KIRREL3: variants seen among roughly 807,000 people sequenced by gnomAD.
The protein encoded by KIRREL3 is kirre like nephrin family adhesion molecule 3, also known as kin of IRRE-like protein 3.
A neutral mutation model predicts 89.7 loss-of-function variants in KIRREL3; 36 were observed. That is an observed-to-expected ratio of 0.40 (90% confidence interval 0.31 to 0.53). The LOEUF (loss-of-function observed/expected upper bound fraction) is 0.53. Among genes scored for constraint, KIRREL3 ranks in the 20% least tolerant of loss-of-function variants. The probability of loss-of-function intolerance (pLI) is 0.49; values close to 1 mark genes in which losing one functional copy is unlikely to be tolerated. For missense variants in KIRREL3, 864 were observed against 1,056.6 expected, an observed-to-expected ratio of 0.82 and a Z score of 2.53; for synonymous variants, 445 against 441.4, an observed-to-expected ratio of 1.01 and a Z score of -0.10.
Position 126,492,947 on chromosome 11 carries a change from C to T in KIRREL3, c.434-19481G>A, listed in dbSNP as rs766513878. Reference sequence around the variant, plus strand: ...TAGACATGCCGCAGAACTTCCTGGCCGTGGGCTGAGTGACCCAAAAGGCCG... The same window carrying T: ...TAGACATGCCGCAGAACTTCCTGGCTGTGGGCTGAGTGACCCAAAAGGCCG... On this transcript the variant is annotated intron_variant, in intron 4 of 16. Transcript: ENST00000525144. This position sits in a 1 kb window ranked among gnomAD's most constrained non-coding sequence, Gnocchi z 4.8. 1.2e-4 allele frequency among the ~76,000 whole-genome samples: 18 copies of T among 152,134 alleles called. No homozygotes were observed. Among genetic ancestry groups the T allele is most frequent in the Non-Finnish European group, 2.4e-4 (16 of 68,028 alleles).
intron 1 of KIRREL3, among the ~76,000 whole-genome samples, chr11:126,823,883 GCA>G (rs1943313257): frequency 6.6e-6 from 1 of 152,200 alleles, no homozygotes; most frequent in African/African-American, 2.4e-5. Flanking sequence ...CTGGTGCTAA[GCA>G]CACTCCGGGA....
chr11:126,799,903 T>C (rs995286008), intron 1 of KIRREL3, among the ~76,000 whole-genome samples: 4 of 152,156 alleles, frequency 2.6e-5, no homozygotes, highest in South Asian at 2.1e-4. Context: ...GATGGTGAGA[T>C]GCTGGGACTC....
chr11:126,874,318 C>G (rs1945202357), intron 1 of KIRREL3, among the ~76,000 whole-genome samples: 1 of 152,264 alleles, frequency 6.6e-6, no homozygotes, highest in Admixed American at 6.5e-5. Context: ...TCCAACCATG[C>G]TTATGAGGGT....
chr11:126,967,265 G>T (rs1452685862), intron 1 of KIRREL3, among the ~76,000 whole-genome samples: 2 of 151,866 alleles, frequency 1.3e-5, no homozygotes, highest in Admixed American at 1.3e-4. Context: ...TACTTTCCTC[G>T]GTGCTCCTTC....
intron 1 of KIRREL3, among the ~76,000 whole-genome samples, chr11:126,731,699 C>G (rs957448163): frequency 6.6e-6 from 1 of 152,162 alleles, no homozygotes; most frequent in African/African-American, 2.4e-5. Context: ...CCTGATGGCT[C>G]TAAGTAGGTC....
chr11:126,425,643 G>A lies in KIRREL3; in HGVS notation c.1888C>T (p.Leu630=), dbSNP rs1443534544. The A allele has an allele frequency of 3.2e-6, 5 of 1,583,706 alleles. No individual in the cohort carries two copies. The highest frequency in any genetic ancestry group is 4.3e-6 in the Non-Finnish European group (5 of 1,163,420). Residue 630 remains leucine, a synonymous_variant, in exon 16 of 17, where the codon CTG becomes TTG. Coordinates refer to ENST00000525144, the MANE Select transcript of KIRREL3 (RefSeq NM_032531.4). ...TAACCCGGGGCCCTTCTTACCTTCA[G>A]GTTCTGAAACTCTTTCTCCTCTTCT... is the stretch of plus-strand genomic sequence containing the variant. The part of the protein sequence containing the change: ...LKEEEKEFQN[L]KDPTNGYYSV...
intron 1 of KIRREL3, among the ~76,000 whole-genome samples, chr11:126,950,085 C>G (rs552024968): frequency 6.6e-6 from 1 of 152,140 alleles, no homozygotes; most frequent in African/African-American, 2.4e-5. Flanking sequence ...TTAAAATATG[C>G]AAGGATGGCC....
chr11:126,533,709 G>A (rs544763235), intron 2 of KIRREL3, among the ~76,000 whole-genome samples: 261 of 152,318 alleles, frequency 1.7e-3, no homozygotes, highest in African/African-American at 6.1e-3. Flanking sequence ...TAATGAATGG[G>A]GCTCAGGAAT....
chr11:126,680,090 G>A (rs897591022), intron 1 of KIRREL3, among the ~76,000 whole-genome samples: 1 of 152,176 alleles, frequency 6.6e-6, no homozygotes, highest in Non-Finnish European at 1.5e-5. Flanking sequence ...GTGTGCAATT[G>A]TTCTCTGAGA....
intron 1 of KIRREL3, among the ~76,000 whole-genome samples, chr11:126,753,409 C>T (rs1592075561): frequency 6.6e-6 from 1 of 152,178 alleles, no homozygotes; most frequent in Admixed American, 6.5e-5. Context: ...GTAGACGGCC[C>T]CCTTCCTTAG....
In KIRREL3 at chr11:126,463,189, C is replaced by T; in HGVS notation, c.710G>A (p.Gly237Glu). 6.2e-7 allele frequency: 1 copy of T among 1,613,834 alleles called. No individual in the cohort carries two copies. Among genetic ancestry groups the T allele is most frequent in the Non-Finnish European group, 8.5e-7 (1 of 1,179,856 alleles). Residue 237 changes from glycine to glutamate, a missense_variant, in exon 6 of 17, where the codon GGA (glycine) becomes GAA (glutamate). Coordinates refer to ENST00000525144, the MANE Select transcript of KIRREL3 (RefSeq NM_032531.4). The surrounding 1 kb of genome is among the most constrained non-coding windows in gnomAD (Gnocchi z 5.9). ...GTCAATGGTGACCGACGTCTCCTTTCCTCCGGGGATGGCTTTGTTGGTGGC... is the reference window on the plus strand; with the variant it reads ...GTCAATGGTGACCGACGTCTCCTTTTCTCCGGGGATGGCTTTGTTGGTGGC... ...CRATNKAIPG[G>E]KETSVTIDIQ...
intron 1 of KIRREL3, among the ~76,000 whole-genome samples, chr11:126,806,021 C>T (rs552562731): frequency 1.3e-4 from 20 of 152,194 alleles, no homozygotes; most frequent in Non-Finnish European, 2.5e-4. Flanking sequence ...AATCTGTCAC[C>T]TGTCAAATTA....
At position 126,537,991 on chromosome 11, in the gene KIRREL3, T is replaced by C. The variant is rs1938046929; in HGVS notation, c.134-11304A>G. Among the ~76,000 whole-genome samples, 1 of 149,728 alleles carries C rather than the reference T, an allele frequency of 6.7e-6. No homozygotes were observed. Among genetic ancestry groups the C allele is most frequent in the Non-Finnish European group, 1.5e-5 (1 of 67,670 alleles). ...AGGAGACAGTGGGTGAGCCCTCCCATTGGCTCTGCCTCTTTCTTGAGCTTG... is the reference window on the plus strand; with the variant it reads ...AGGAGACAGTGGGTGAGCCCTCCCACTGGCTCTGCCTCTTTCTTGAGCTTG... On this transcript the variant is annotated intron_variant, in intron 2 of 16. Coordinates refer to ENST00000525144, the MANE Select transcript of KIRREL3 (RefSeq NM_032531.4). This position sits in a 1 kb window ranked among gnomAD's most constrained non-coding sequence, Gnocchi z 4.3.
In KIRREL3 at chr11:126,446,269, TC is replaced by T. The variant is rs1955798759; in HGVS notation, c.1125+489del. 9.8e-5 allele frequency among the ~76,000 whole-genome samples: 9 copies of T among 92,064 alleles called. No homozygotes were observed. In the Admixed American group the frequency reaches 1.3e-3, roughly 13 times the overall value. 60.4% of individuals were successfully genotyped at this position (92,064 alleles called of 152,430 possible). On this transcript the variant is annotated intron_variant, in intron 9 of 16. Coordinates refer to ENST00000525144, the MANE Select transcript of KIRREL3 (RefSeq NM_032531.4). ...TCTTTCTCTTTCTTTTCTTTCTCTC[TC>T]TTTCTTTTCTTTCTCCTTTCTTTCT...
At chr11:126,787,755 C>T (rs1229060541) in intron 1 of KIRREL3, among the ~76,000 whole-genome samples, 2 of 152,152 alleles carry the variant, frequency 1.3e-5, no homozygotes, top group African/African-American at 4.8e-5. Flanking sequence ...TGTTTCTGAG[C>T]TTGTCATACC....
rs1944928398 is a variant in KIRREL3, at chr11:126,652,101, A to G, written c.56-89189T>C. On this transcript the variant is annotated intron_variant, in intron 1 of 16. Transcript: ENST00000525144. This position sits in a 1 kb window ranked among gnomAD's most constrained non-coding sequence, Gnocchi z 4.9. ...CTGGGCCAGGAGGAAGATAGGCACT[A>G]GTAGGTCTGATCTGTCTGGAGGATT... Among the ~76,000 whole-genome samples the G allele has an allele frequency of 6.6e-6, 1 of 152,222 alleles. No homozygotes were observed. Among genetic ancestry groups the G allele is most frequent in the South Asian group, 2.1e-4 (1 of 4,820 alleles).
At chr11:126,469,788 C>T (rs115073056) in intron 5 of KIRREL3, among the ~76,000 whole-genome samples, 116 of 152,334 alleles carry the variant, frequency 7.6e-4, no homozygotes, top group African/African-American at 2.7e-3. Flanking sequence ...TCCAGGGACA[C>T]ATTGAGGGTC....
intron 1 of KIRREL3, among the ~76,000 whole-genome samples, chr11:126,921,714 CTATCTA>C (rs1947314495): frequency 6.7e-6 from 1 of 149,742 alleles, no homozygotes; most frequent in Admixed American, 6.7e-5. Context: ...CTTTTTCTTT[CTATCTA>C]TATCTATCAA....
At position 126,744,412 on chromosome 11, in the gene KIRREL3, A is replaced by T. The variant is rs2082161597; in HGVS notation, c.56-181500T>A. ...GAGGTCAGGACTGCCATACTGTCCCAGACATGCAGAACAGGCTGCTGGACT... is the reference window on the plus strand; with the variant it reads ...GAGGTCAGGACTGCCATACTGTCCCTGACATGCAGAACAGGCTGCTGGACT... On this transcript the variant is annotated intron_variant, in intron 1 of 16. Transcript: ENST00000525144. The surrounding 1 kb of genome is among the most constrained non-coding windows in gnomAD (Gnocchi z 4.7). 6.6e-6 allele frequency among the ~76,000 whole-genome samples: 1 copy of T among 152,212 alleles called. No individual in the cohort carries two copies. Among genetic ancestry groups the T allele is most frequent in the African/African-American group, 2.4e-5 (1 of 41,458 alleles).
Sources: gnomAD v4.1 joint callset for allele counts (sites outside exome capture counted in the v4.1 genomes callset) on GRCh38, gnomAD v4.1.1 for gene constraint, Gnocchi (gnomAD v3.1) non-coding constraint, MANE v1.5 for transcripts, NCBI Gene and HGNC (gene_info 2026-07-23, HGNC 2026-07-21) for gene names.